Variants in EDDM3A observed in about 807,000 individuals in gnomAD.
EDDM3A encodes the protein epididymal secretory protein E3-alpha.
For missense variants in EDDM3A, 199 were observed against 177.4 expected, an observed-to-expected ratio of 1.12 and a Z score of -0.69; for synonymous variants, 75 against 60.4, an observed-to-expected ratio of 1.24 and a Z score of -1.12.
upstream of EDDM3A, among the ~76,000 whole-genome samples, chr14:20,741,862 T>C (rs975937467): frequency 4.6e-5 from 7 of 151,468 alleles, no homozygotes; most frequent in African/African-American, 1.4e-4. Flanking sequence ...CAGTGCCACC[T>C]ACTCAGTAGT....
At chr14:20,742,764 CTT>C (rs113097213), upstream of EDDM3A, among the ~76,000 whole-genome samples, 2 of 143,314 alleles carry the variant, frequency 1.4e-5, no homozygotes, top group Admixed American at 7.0e-5. Flanking sequence ...AAAAATTTTT[CTT>C]TTTTTTTTTT....
the EDDM3A span, among the ~76,000 whole-genome samples, chr14:20,740,597 G>T: frequency 2.0e-5 from 3 of 152,202 alleles, no homozygotes; most frequent in Non-Finnish European, 4.4e-5. Flanking sequence ...ACATAGGGAC[G>T]TACAGTGGAA....
At chr14:20,737,659 C>T in the EDDM3A span, among the ~76,000 whole-genome samples, 2 of 152,128 alleles carry the variant, frequency 1.3e-5, no homozygotes, top group Non-Finnish European at 2.9e-5. Context: ...ATCATGTTCG[C>T]TTGGCAGAAA....
At position 20,747,720 on chromosome 14, in the gene EDDM3A, A is replaced by T. The variant is rs2139083388; in HGVS notation, c.140A>T (p.Glu47Val). The T allele has an allele frequency of 6.2e-7, 1 of 1,614,204 alleles. No homozygotes were observed. Among genetic ancestry groups the T allele is most frequent in the South Asian group, 1.1e-5 (1 of 91,082 alleles). ...TTAAGTCCAAGTCGAGAATTCAAAG[A>T]GTACAAATGTGATGTCCTCATGAGA... is the stretch of plus-strand genomic sequence containing the variant. ...HYLSPSREFKEYKCDVLMREK... is the reference protein window; with the variant it reads ...HYLSPSREFKVYKCDVLMREK... The change falls in exon 2 of 2, where the codon GAG (glutamate) becomes GTG (valine). Residue 47 changes from glutamate to valine, a missense_variant. Physicochemically the swap from Glu to Val is moderately radical, Grantham distance 121. Coordinates refer to ENST00000326842, the MANE Select transcript of EDDM3A (RefSeq NM_006683.5).
At position 20,746,350 on chromosome 14, in the gene EDDM3A, G is replaced by A. The variant is rs568103306; in HGVS notation, c.-27+358G>A. On this transcript the variant is annotated intron_variant, in intron 1 of 1. Coordinates refer to ENST00000326842, the MANE Select transcript of EDDM3A (RefSeq NM_006683.5). ...CATCTCATTAGACTCTTGCAGGTCT[G>A]TAGGGAGCTGTGATTAGGCCTATCT... Among the ~76,000 whole-genome samples the A allele has an allele frequency of 1.1e-4, 17 of 151,914 alleles. No homozygotes were observed. The East Asian group carries it at 2.3e-3, about 21-fold the overall frequency.
chr14:20,740,437 G>GA, the EDDM3A span, among the ~76,000 whole-genome samples: 5 of 152,188 alleles, frequency 3.3e-5, no homozygotes, highest in African/African-American at 1.2e-4. Flanking sequence ...TCCAGAATGG[G>GA]AAAACATCTC....
At chr14:20,742,144 C>A (rs1304679929), upstream of EDDM3A, among the ~76,000 whole-genome samples, 2 of 152,190 alleles carry the variant, frequency 1.3e-5, no homozygotes, top group Non-Finnish European at 2.9e-5. Flanking sequence ...TGCATTGTTG[C>A]AGCAACTGGC....
intron 1 of EDDM3A, 123 bp from the exon 2 acceptor site, chr14:20,747,431 TC>T: frequency 1.6e-6 from 1 of 617,496 alleles, no homozygotes; most frequent in Non-Finnish European, 2.8e-6. Flanking sequence ...ATCATCATCT[TC>T]TAATATGGAA....
intron 1 of EDDM3A, among the ~76,000 whole-genome samples, chr14:20,747,015 T>C (rs2139082067): frequency 6.7e-6 from 1 of 149,474 alleles, no homozygotes; most frequent in Non-Finnish European, 1.5e-5. Context: ...ATATTTGAAA[T>C]TCTCAAAAGG....
the EDDM3A span, among the ~76,000 whole-genome samples, chr14:20,736,071 A>G: frequency 6.6e-6 from 1 of 151,808 alleles, no homozygotes. Context: ...TGCCTTGGTT[A>G]CAGCTGCCTA....
intron 1 of EDDM3A, among the ~76,000 whole-genome samples, chr14:20,747,102 C>CTTTT (rs71112518): frequency 7.7e-4 from 94 of 122,142 alleles, no homozygotes; most frequent in East Asian, 4.1e-3. Flanking sequence ...AAACTGTATT[C>CTTTT]TTTTTTTTTT....
At chr14:20,744,115 C>CA (rs998881937), upstream of EDDM3A, among the ~76,000 whole-genome samples, 2 of 152,124 alleles carry the variant, frequency 1.3e-5, no homozygotes, top group African/African-American at 4.8e-5. Flanking sequence ...GGGCACATGA[C>CA]AAAAAACTGA....
At chr14:20,745,386 C>T (rs766496971), upstream of EDDM3A, among the ~76,000 whole-genome samples, 29 of 152,026 alleles carry the variant, frequency 1.9e-4, no homozygotes, top group Admixed American at 5.9e-4. Context: ...ATTAGCTGGG[C>T]GTGGTGACAG....
At chr14:20,739,184 G>C in the EDDM3A span, among the ~76,000 whole-genome samples, 1 of 152,172 alleles carries the variant, frequency 6.6e-6, no homozygotes, top group Non-Finnish European at 1.5e-5. Flanking sequence ...CTCTTTAAAA[G>C]TTGCTTTTAC....
the EDDM3A span, among the ~76,000 whole-genome samples, chr14:20,736,753 C>T: frequency 1.3e-5 from 2 of 152,180 alleles, no homozygotes; most frequent in Non-Finnish European, 2.9e-5. Context: ...CTCTGTCACC[C>T]AGGCTGGAGT....
In EDDM3A at chr14:20,747,626, T is replaced by G; in HGVS notation, c.46T>G (p.Cys16Gly). 6.2e-7 allele frequency: 1 copy of G among 1,613,524 alleles called. No homozygotes were observed. Among genetic ancestry groups the G allele is most frequent in the African/African-American group, 1.3e-5 (1 of 75,002 alleles). Residue 16 changes from cysteine (C) to glycine (G), a missense_variant, in exon 2 of 2, where the codon TGC (cysteine) becomes GGC (glycine). Physicochemically the swap from Cys to Gly is radical, Grantham distance 159. Coordinates refer to ENST00000326842, the MANE Select transcript of EDDM3A (RefSeq NM_006683.5). ...TTGGGGCATACTCTTGGCCCTGCTTTGCATCCTTTGCAGGCTGTGTGTATA... is the reference window on the plus strand; with the variant it reads ...TTGGGGCATACTCTTGGCCCTGCTTGGCATCCTTTGCAGGCTGTGTGTATA... ...KIWGILLALLCILCRLCVYSN... is the reference protein window; with the variant it reads ...KIWGILLALLGILCRLCVYSN...
the EDDM3A span, among the ~76,000 whole-genome samples, chr14:20,739,846 G>A: frequency 6.6e-6 from 1 of 152,112 alleles, no homozygotes; most frequent in Admixed American, 6.5e-5. Flanking sequence ...ATAGCATGCT[G>A]ACCACCTGCT....
rs371729522 is a variant in EDDM3A, at chr14:20,747,595, A to G, written c.15A>G (p.Leu5=). Residue 5 remains leucine, a synonymous_variant, in exon 2 of 2, where the codon CTA becomes CTG. Transcript: ENST00000326842. The part of the protein sequence containing the change: MTSS[L]KIWGILLALL... ...TGGTGACTGAGATGACATCCTCTCT[A>G]AAGATTTGGGGCATACTCTTGGCCC... 7 of 1,603,326 alleles carry G rather than the reference A, an allele frequency of 4.4e-6. No homozygotes were observed. The highest frequency in any genetic ancestry group is 6.0e-6 in the Non-Finnish European group (7 of 1,174,896).
In EDDM3A at chr14:20,747,860, G is replaced by A. The variant is rs1225621067; in HGVS notation, c.280G>A (p.Val94Ile). ...GAGCGACCGATATAGAAATGCATAT[G>A]TATGGGCCCCAGGTGCCCTCAAAGT... ...KGSDRYRNAY[V>I]WAPGALKVLE... Residue 94 changes from valine (V) to isoleucine (I), a missense_variant, in exon 2 of 2, where the codon GTA (valine) becomes ATA (isoleucine). By Grantham distance (29) the Val-to-Ile change is conservative (BLOSUM62 3). Transcript: ENST00000326842. 14 of 1,614,060 alleles carry A rather than the reference G, an allele frequency of 8.7e-6. No individual in the cohort carries two copies. The highest frequency in any genetic ancestry group is 1.1e-5 in the Non-Finnish European group (13 of 1,180,024).
Sources: gnomAD v4.1 joint callset for allele counts (sites outside exome capture counted in the v4.1 genomes callset) on GRCh38, gnomAD v4.1.1 for gene constraint, MANE v1.5 for transcripts, NCBI Gene and HGNC (gene_info 2026-07-23, HGNC 2026-07-21) for gene names.